The following LINGO2 variants were observed in gnomAD, a reference collection of about 807,000 sequenced individuals.
LINGO2 encodes leucine-rich repeat and immunoglobulin-like domain-containing nogo receptor-interacting protein 2.
LINGO2 carries 14 observed loss-of-function variants against 30.6 expected under a neutral mutation model. The observed-to-expected ratio is 0.46, with a 90% CI of 0.30 to 0.72. LINGO2 has a LOEUF of 0.72. LINGO2 is among the 30% of genes least tolerant of loss of function. The pLI is 0.07. For synonymous variants in LINGO2, 317 were observed against 288.5 expected (o/e 1.10, Z -1.00); for missense variants, 729 against 751.7 (o/e 0.97, Z 0.35).
chr9:28,302,515 C>T (rs1345710923), intron 3 of LINGO2, among the ~76,000 whole-genome samples: 2 of 152,038 alleles, frequency 1.3e-5, no homozygotes, highest in Admixed American at 6.6e-5. Flanking sequence ...CCTCTCCCTA[C>T]AAAAAAGTAG....
chr9:28,477,303 A>G (rs1210217704), intron 1 of LINGO2, among the ~76,000 whole-genome samples: 1 of 152,098 alleles, frequency 6.6e-6, no homozygotes, highest in Non-Finnish European at 1.5e-5. Context: ...ATTTACAAAA[A>G]CCCTGGAAGG....
chr9:28,993,657 G>A, the LINGO2 span, among the ~76,000 whole-genome samples: 1 of 150,314 alleles, frequency 6.7e-6, no homozygotes, highest in East Asian at 2.0e-4. Flanking sequence ...ACATCAAAGA[G>A]CTTATCCACC....
At chr9:28,474,345 G>A (rs16913173) in intron 2 of LINGO2, among the ~76,000 whole-genome samples, 3,271 of 151,934 alleles carry the variant, frequency 0.022, 105 homozygotes, top group East Asian at 0.097. Flanking sequence ...AACTGACAAG[G>A]TCTAGTCTCC....
chr9:28,786,239 T>TA, the LINGO2 span, among the ~76,000 whole-genome samples: 4 of 152,006 alleles, frequency 2.6e-5, no homozygotes, highest in African/African-American at 4.8e-5. Flanking sequence ...ATGCTACTAA[T>TA]AAAAAAAACC....
the LINGO2 span, among the ~76,000 whole-genome samples, chr9:29,024,605 C>A: frequency 6.6e-6 from 1 of 151,984 alleles, no homozygotes; most frequent in Non-Finnish European, 1.5e-5. Flanking sequence ...ATAAACAGAA[C>A]CTCAACTTTA....
At chr9:28,844,035 T>G in the LINGO2 span, among the ~76,000 whole-genome samples, 3 of 151,818 alleles carry the variant, frequency 2.0e-5, no homozygotes, top group African/African-American at 7.3e-5. Context: ...ATCAACACCT[T>G]GTATTTAAAA....
chr9:28,094,408 T>A (rs138864383), intron 4 of LINGO2, among the ~76,000 whole-genome samples: 12 of 152,126 alleles, frequency 7.9e-5, no homozygotes, highest in Non-Finnish European at 1.2e-4. Flanking sequence ...CTTCGGTGTA[T>A]GCCAGCACTT....
intron 5 of LINGO2, among the ~76,000 whole-genome samples, chr9:27,997,787 A>G (rs1821742497): frequency 1.3e-5 from 2 of 152,224 alleles, no homozygotes; most frequent in African/African-American, 4.8e-5. Flanking sequence ...AAATGGGTCG[A>G]AAGCAAGTTC....
At chr9:28,099,418 G>A (rs887239498) in intron 4 of LINGO2, among the ~76,000 whole-genome samples, 4 of 152,130 alleles carry the variant, frequency 2.6e-5, no homozygotes, top group African/African-American at 7.2e-5. Context: ...CATGATGGAA[G>A]CTTAAATACC....
At chr9:28,708,603 T>G in the LINGO2 span, among the ~76,000 whole-genome samples, 2 of 152,056 alleles carry the variant, frequency 1.3e-5, no homozygotes, top group African/African-American at 4.8e-5. Flanking sequence ...GATGAACAGT[T>G]CAGTGTGAAA....
intron 4 of LINGO2, among the ~76,000 whole-genome samples, chr9:28,037,814 C>T (rs1824009780): frequency 1.3e-5 from 2 of 152,172 alleles, no homozygotes; most frequent in African/African-American, 2.4e-5. Flanking sequence ...ATCTGTAAGA[C>T]ACAACCTCTT....
At chr9:28,806,648 A>G in the LINGO2 span, among the ~76,000 whole-genome samples, 1 of 152,192 alleles carries the variant, frequency 6.6e-6, no homozygotes, top group Non-Finnish European at 1.5e-5. Flanking sequence ...TATATCAGAA[A>G]ACATAACCAT....
chr9:28,176,432 G>A (rs189892296), intron 4 of LINGO2, among the ~76,000 whole-genome samples: 4 of 152,214 alleles, frequency 2.6e-5, no homozygotes, highest in East Asian at 3.9e-4. Context: ...AATTTTAATT[G>A]TTTAGATAAG....
At chr9:29,147,086 T>C in the LINGO2 span, among the ~76,000 whole-genome samples, 1 of 152,272 alleles carries the variant, frequency 6.6e-6, no homozygotes, top group South Asian at 2.1e-4. Flanking sequence ...GCAATGAGAA[T>C]TGTAAAGCAT....
At chr9:28,342,925 T>C (rs1819407913) in intron 3 of LINGO2, among the ~76,000 whole-genome samples, 1 of 152,084 alleles carries the variant, frequency 6.6e-6, no homozygotes, top group Admixed American at 6.6e-5. Context: ...AATCCTTCCA[T>C]TTGTTTCAGG....
chr9:28,881,927 T>C, the LINGO2 span, among the ~76,000 whole-genome samples: 1 of 152,244 alleles, frequency 6.6e-6, no homozygotes, highest in Admixed American at 6.5e-5. Context: ...CTTTTTCTTA[T>C]GTTAACTATT....
chr9:28,524,963 T>C (rs1587804738), intron 1 of LINGO2, among the ~76,000 whole-genome samples: 1 of 151,588 alleles, frequency 6.6e-6, no homozygotes, highest in African/African-American at 2.4e-5. Flanking sequence ...AATAAGAAAA[T>C]ACAAATCAAA....
chr9:28,753,707 T>A, the LINGO2 span, among the ~76,000 whole-genome samples: 2 of 151,244 alleles, frequency 1.3e-5, no homozygotes, highest in African/African-American at 4.9e-5. Context: ...GGAGATTATC[T>A]TAAAGTTTAG....
At chr9:28,909,345 G>C in the LINGO2 span, among the ~76,000 whole-genome samples, 1 of 151,746 alleles carries the variant, frequency 6.6e-6, no homozygotes, top group Non-Finnish European at 1.5e-5. Flanking sequence ...TGTCACTAAA[G>C]TTACTATTCT....
Sources: allele counts gnomAD v4.1 joint callset (sites outside exome capture counted in the v4.1 genomes callset), GRCh38; gene constraint gnomAD v4.1.1; transcripts MANE v1.5; gene names NCBI Gene and HGNC (gene_info 2026-07-23, HGNC 2026-07-21).